SLC4A4: variants seen among roughly 807,000 people sequenced by gnomAD.
SLC4A4 encodes solute carrier family 4 member 4, also known as electrogenic sodium bicarbonate cotransporter 1.
SLC4A4 carries 27 observed loss-of-function variants against 111.5 expected under a neutral mutation model. The ratio of observed to expected loss-of-function variants is 0.24; its 90% CI spans 0.18 to 0.33. The LOEUF (loss-of-function observed/expected upper bound fraction) is 0.33. Ranked by LOEUF, SLC4A4 falls within the 10% of genes least tolerant of loss-of-function variation. SLC4A4 has a pLI of 1.00. For synonymous variants in SLC4A4, 443 were observed against 463.4 expected (o/e 0.96, Z 0.57); for missense variants, 909 against 1,315.5 (o/e 0.69, Z 4.78).
upstream of SLC4A4, among the ~76,000 whole-genome samples, chr4:71,182,475 C>T (rs534137593): frequency 2.3e-4 from 35 of 152,134 alleles, no homozygotes; most frequent in African/African-American, 7.7e-4. Context: ...GGGATGTGAA[C>T]GGTAATAGGC....
At chr4:71,283,992 C>T (rs1457186533) in intron 3 of SLC4A4, among the ~76,000 whole-genome samples, 1 of 152,142 alleles carries the variant, frequency 6.6e-6, no homozygotes, top group Non-Finnish European at 1.5e-5. Flanking sequence ...CATTTTTCCC[C>T]CTTTGTCTTG....
intron 2 of SLC4A4, among the ~76,000 whole-genome samples, chr4:71,252,693 G>A (rs1721147431): frequency 1.3e-5 from 2 of 152,122 alleles, no homozygotes; most frequent in African/African-American, 2.4e-5. Context: ...CTTCGCAGAG[G>A]CCATCACTAA....
chr4:71,485,115 T>A (rs1162969693), intron 14 of SLC4A4, among the ~76,000 whole-genome samples: 1 of 151,812 alleles, frequency 6.6e-6, no homozygotes, highest in African/African-American at 2.4e-5. Flanking sequence ...CTCTTCCTAT[T>A]TGGATGCCCT....
At chr4:71,505,035 C>T (rs1281743189) in intron 16 of SLC4A4, among the ~76,000 whole-genome samples, 1 of 152,210 alleles carries the variant, frequency 6.6e-6, no homozygotes, top group Non-Finnish European at 1.5e-5. Context: ...CTAGCTCCAT[C>T]CATGTCCCTG....
chr4:71,519,665 C>A (rs1371588740), intron 16 of SLC4A4, among the ~76,000 whole-genome samples: 1 of 151,976 alleles, frequency 6.6e-6, no homozygotes, highest in Non-Finnish European at 1.5e-5. Flanking sequence ...GACAGAGTCT[C>A]GCTCTGTTGC....
chr4:71,142,977 T>A (rs1446339405), intron 2 of SLC4A4, among the ~76,000 whole-genome samples: 1 of 151,988 alleles, frequency 6.6e-6, no homozygotes, highest in African/African-American at 2.4e-5. Context: ...CTTTAAGTTT[T>A]AGGGTACATG....
At chr4:71,334,808 G>A (rs1010043457) in intron 3 of SLC4A4, among the ~76,000 whole-genome samples, 1 of 152,176 alleles carries the variant, frequency 6.6e-6, no homozygotes, top group African/African-American at 2.4e-5. Flanking sequence ...AGTGATTCAT[G>A]TTTTGCTAAA....
chr4:71,268,084 T>TTTG (rs1553970773), intron 3 of SLC4A4, among the ~76,000 whole-genome samples: 1 of 147,130 alleles, frequency 6.8e-6, no homozygotes, highest in Non-Finnish European at 1.5e-5. Context: ...TGTTTTTTTT[T>TTTG]TTTTTTTTTT....
intron 2 of SLC4A4, among the ~76,000 whole-genome samples, chr4:71,115,353 AT>A (rs1743217021): frequency 1.3e-5 from 2 of 152,156 alleles, no homozygotes; most frequent in Admixed American, 1.3e-4. Context: ...AAATAAAAAA[AT>A]AAATAAAAAA....
At chr4:71,318,319 T>C (rs1461217890) in intron 3 of SLC4A4, among the ~76,000 whole-genome samples, 3 of 152,066 alleles carry the variant, frequency 2.0e-5, no homozygotes, top group Non-Finnish European at 4.4e-5. Flanking sequence ...TTCTTTTGAC[T>C]TAGTTCAGAA....
At chr4:71,296,397 A>G (rs1387685561) in intron 3 of SLC4A4, among the ~76,000 whole-genome samples, 1 of 152,202 alleles carries the variant, frequency 6.6e-6, no homozygotes, top group African/African-American at 2.4e-5. Context: ...ATAATGATCA[A>G]TAAACTGTTA....
chr4:71,378,716 C>A (rs1717787473), intron 6 of SLC4A4, among the ~76,000 whole-genome samples: 1 of 152,180 alleles, frequency 6.6e-6, no homozygotes, highest in African/African-American at 2.4e-5. Flanking sequence ...TTCTTTTTGG[C>A]AGCAAACTGT....
intron 1 of SLC4A4, among the ~76,000 whole-genome samples, chr4:71,214,562 G>C (rs1235681305): frequency 6.6e-6 from 1 of 152,076 alleles, no homozygotes; most frequent in Non-Finnish European, 1.5e-5. Flanking sequence ...CTTTACTCTT[G>C]CGGGCTTTTG....
intron 2 of SLC4A4, among the ~76,000 whole-genome samples, chr4:71,116,602 T>TG (rs1743273154): frequency 6.6e-6 from 1 of 152,216 alleles, no homozygotes; most frequent in African/African-American, 2.4e-5. Flanking sequence ...GTAAGGAAGC[T>TG]GGTTAATTAC....
intron 1 of SLC4A4, among the ~76,000 whole-genome samples, chr4:71,229,493 T>C (rs1367939123): frequency 2.0e-5 from 3 of 152,282 alleles, no homozygotes; most frequent in African/African-American, 4.8e-5. Flanking sequence ...CTGGGTTGCA[T>C]TTTCACCTTT....
rs188304933 is a variant in SLC4A4, at chr4:71,063,344, C to T, written c.-65+556C>T. ...GTAATTTGCCAAAATCTCCATTAAA[C>T]GTCAGGTTATATGTGTTACGTAGTT... On this transcript the variant is annotated intron_variant, in intron 1 of 26. Transcript: ENST00000649996. 4.3e-3 allele frequency among the ~76,000 whole-genome samples: 647 copies of T among 152,180 alleles called. 3 individuals are homozygous for T. Among genetic ancestry groups the T allele is most frequent in the Non-Finnish European group, 7.4e-3 (501 of 67,990 alleles).
intron 3 of SLC4A4, among the ~76,000 whole-genome samples, chr4:71,287,442 C>G (rs1202489179): frequency 1.3e-5 from 2 of 152,124 alleles, no homozygotes; most frequent in Non-Finnish European, 2.9e-5. Context: ...TAGGATTGGC[C>G]TGTGTTTTAT....
At chr4:71,152,115 A>C (rs1744327207) in intron 2 of SLC4A4, among the ~76,000 whole-genome samples, 1 of 152,138 alleles carries the variant, frequency 6.6e-6, no homozygotes, top group Admixed American at 6.6e-5. Context: ...AGAAAATAAT[A>C]TAAAGTATAC....
Position 71,367,576 on chromosome 4 carries a change from C to T in SLC4A4, c.730+10389C>T, listed in dbSNP as rs368162050. Among the ~76,000 whole-genome samples the T allele has an allele frequency of 7.2e-5, 11 of 152,304 alleles. No homozygotes were observed. In the East Asian group the frequency reaches 1.2e-3, roughly 16 times the overall value. On this transcript the variant is annotated intron_variant, in intron 6 of 25. Coordinates refer to ENST00000264485, the MANE Select transcript of SLC4A4 (RefSeq NM_001098484.3). ...TTGGCCAGTATGATAATATACATTT[C>T]TAAATGTCTCCCTCTTAACAAAAGC...
Sources: allele counts gnomAD v4.1 joint callset (sites outside exome capture counted in the v4.1 genomes callset), GRCh38; gene constraint gnomAD v4.1.1; transcripts MANE v1.5; gene names NCBI Gene and HGNC (gene_info 2026-07-23, HGNC 2026-07-21).